NWD1: variants seen among roughly 807,000 people sequenced by gnomAD.
NWD1 encodes NACHT and WD repeat domain containing 1, also known as NACHT domain- and WD repeat-containing protein 1.
NWD1 carries 129 observed loss-of-function variants against 135.1 expected under a neutral mutation model. That is an observed-to-expected ratio of 0.96 (90% CI 0.83 to 1.11). NWD1 has a LOEUF of 1.11. Ranked by LOEUF, NWD1 falls within the 50% of genes least tolerant of loss-of-function variation. NWD1 has a pLI of 0.00. For missense variants in NWD1, 1,740 were observed against 1,851.3 expected, an observed-to-expected ratio of 0.94 and a Z score of 1.10; for synonymous variants, 773 against 786.0, an observed-to-expected ratio of 0.98 and a Z score of 0.28.
At chr19:16,780,905 C>G (rs912318956) in intron 12 of NWD1, among the ~76,000 whole-genome samples, 1 of 152,100 alleles carries the variant, frequency 6.6e-6, no homozygotes, top group African/African-American at 2.4e-5. Context: ...GCAATCCTCT[C>G]GCCTTGTCCT....
Position 16,765,265 on chromosome 19 carries a change from G to A in NWD1, c.2410+73G>A, listed in dbSNP as rs1969181927. On this transcript the variant is annotated intron_variant, in intron 10 of 18. Coordinates refer to ENST00000524140, the MANE Select transcript of NWD1 (RefSeq NM_001007525.5). ...TCTAGAAACATGCTCTCCTCATTGA[G>A]TCATGAGCTGGATTTTCATCAATTC... The A allele has an allele frequency of 5.8e-6, 8 of 1,388,724 alleles. No individual in the cohort carries two copies. In the Admixed American group the frequency reaches 1.7e-4, roughly 29 times the overall value. 86.0% of individuals were successfully genotyped at this position (1,388,724 alleles called of 1,614,324 possible).
chr19:16,735,077 T>G (rs534864404), intron 3 of NWD1, among the ~76,000 whole-genome samples: 1 of 152,272 alleles, frequency 6.6e-6, no homozygotes, highest in East Asian at 1.9e-4. Flanking sequence ...TGTTTATAAA[T>G]AAACTTCTGA....
At chr19:16,721,906 T>C (rs1034825305) in intron 1 of NWD1, among the ~76,000 whole-genome samples, 1 of 150,148 alleles carries the variant, frequency 6.7e-6, no homozygotes, top group Non-Finnish European at 1.5e-5. Flanking sequence ...AGGCCAAGAG[T>C]TCAAGAACAG....
At chr19:16,770,631 C>T (rs969438224) in intron 10 of NWD1, among the ~76,000 whole-genome samples, 2 of 152,098 alleles carry the variant, frequency 1.3e-5, no homozygotes, top group Admixed American at 1.3e-4. Flanking sequence ...GCCCCACAGC[C>T]CTCAGTTTTC....
At chr19:16,808,325 G>A (rs368114098) in intron 18 of NWD1, among the ~76,000 whole-genome samples, 189 bp downstream of exon 18, 3 of 152,100 alleles carry the variant, frequency 2.0e-5, no homozygotes, top group East Asian at 1.9e-4. Context: ...TGAGGCAGGC[G>A]GATCACCTGA....
intron 15 of NWD1, among the ~76,000 whole-genome samples, chr19:16,795,848 G>A (rs1970401088): frequency 6.6e-6 from 1 of 152,148 alleles, no homozygotes; most frequent in Non-Finnish European, 1.5e-5. Context: ...TCTATTGCGT[G>A]GAGCAGCTTC....
chr19:16,726,965 T>C (rs990911732), intron 2 of NWD1, among the ~76,000 whole-genome samples: 1 of 145,946 alleles, frequency 6.9e-6, no homozygotes, highest in Non-Finnish European at 1.5e-5. Context: ...AAATAGTATG[T>C]GCGGTGCCTG....
Position 16,761,947 on chromosome 19 carries a change from C to G in NWD1, c.1974-32C>G, listed in dbSNP as rs551761058. On this transcript the variant is annotated intron_variant, in intron 7 of 18. Transcript: ENST00000524140. ...CCACCTTTGAGCTTGATGGGTCACC[C>G]AGGTCTATCAGTCTGTATACCCTCT... 360 of 1,577,370 alleles carry G rather than the reference C, an allele frequency of 2.3e-4. 3 individuals carry two copies. The South Asian group carries it at 3.8e-3, about 17-fold the overall frequency.
chr19:16,764,396 CATCCATCT>C (rs931281938), intron 9 of NWD1, among the ~76,000 whole-genome samples: 5 of 143,112 alleles, frequency 3.5e-5, no homozygotes, highest in Admixed American at 1.4e-4. Flanking sequence ...TCCATCCATC[CATCCATCT>C]AACTATCCAT....
At chr19:16,766,061 T>C (rs1308453858) in intron 10 of NWD1, among the ~76,000 whole-genome samples, 3 of 147,936 alleles carry the variant, frequency 2.0e-5, no homozygotes, top group Non-Finnish European at 4.5e-5. Flanking sequence ...AAGCACCAGA[T>C]AGGAACTATT....
At chr19:16,734,389 A>C (rs2122714980) in intron 3 of NWD1, among the ~76,000 whole-genome samples, 1 of 152,058 alleles carries the variant, frequency 6.6e-6, no homozygotes, top group East Asian at 1.9e-4. Context: ...TCTACTAAAA[A>C]ATGCAAAAAA....
chr19:16,768,190 T>A (rs1251077691), intron 10 of NWD1, among the ~76,000 whole-genome samples: 1 of 151,862 alleles, frequency 6.6e-6, no homozygotes. Flanking sequence ...GAGATGGGGT[T>A]TTGCTATGTT....
At chr19:16,744,179 A>G (rs1359451948) in intron 4 of NWD1, among the ~76,000 whole-genome samples, 1 of 152,104 alleles carries the variant, frequency 6.6e-6, no homozygotes, top group East Asian at 1.9e-4. Context: ...CCTTGAGTAC[A>G]GGAGTTCAAT....
chr19:16,800,644 C>T (rs143071264), intron 17 of NWD1, among the ~76,000 whole-genome samples: 128 of 152,220 alleles, frequency 8.4e-4, no homozygotes, highest in African/African-American at 2.8e-3. Context: ...AAGCAGATCT[C>T]GTGTCTGGTG....
chr19:16,759,769 G>A (rs780657067), intron 7 of NWD1, among the ~76,000 whole-genome samples: 2 of 150,996 alleles, frequency 1.3e-5, no homozygotes, highest in African/African-American at 4.9e-5. Context: ...CTGAGGTGGC[G>A]GATCACCTGA....
chr19:16,737,945 A>C (rs1306510881), intron 4 of NWD1, among the ~76,000 whole-genome samples: 1 of 139,918 alleles, frequency 7.1e-6, no homozygotes, highest in Admixed American at 7.0e-5. Flanking sequence ...AGCCTGGGCG[A>C]CAGAGCAAGA....
chr19:16,787,384 C>T (rs1420032037), intron 12 of NWD1, among the ~76,000 whole-genome samples: 1 of 152,118 alleles, frequency 6.6e-6, no homozygotes, highest in African/African-American at 2.4e-5. Context: ...TAATTTTAGA[C>T]ACTCTTAGAT....
At chr19:16,746,189 AT>A (rs149356325) in intron 5 of NWD1, among the ~76,000 whole-genome samples, 6,196 of 148,724 alleles carry the variant, frequency 0.042, 418 homozygotes, top group African/African-American at 0.15. Flanking sequence ...CCTCACCTTT[AT>A]TTAAAAAAAA....
chr19:16,771,027 C>G (rs969724180), intron 10 of NWD1, among the ~76,000 whole-genome samples: 1 of 152,030 alleles, frequency 6.6e-6, no homozygotes. Context: ...GGGCCGAGTG[C>G]GGGGGTTCAC....
Sources: allele counts gnomAD v4.1 joint callset (sites outside exome capture counted in the v4.1 genomes callset), GRCh38; gene constraint gnomAD v4.1.1; transcripts MANE v1.5; gene names NCBI Gene and HGNC (gene_info 2026-07-23, HGNC 2026-07-21).